ARHGAP6: variants seen among roughly 807,000 people sequenced by gnomAD.
The protein encoded by ARHGAP6 is rho GTPase-activating protein 6.
A neutral mutation model predicts 55.7 loss-of-function variants in ARHGAP6; 16 were observed. That is an observed-to-expected ratio of 0.29 (90% CI 0.19 to 0.44). ARHGAP6 has a LOEUF of 0.44. Among genes scored for constraint, ARHGAP6 ranks in the 20% least tolerant of loss-of-function variants. The pLI is 1.00. For synonymous variants in ARHGAP6, 382 were observed against 360.9 expected (o/e 1.06, Z -0.66); for missense variants, 698 against 808.9 (o/e 0.86, Z 1.66).
chrX:11,373,476 C>G (rs938605046), intron 1 of ARHGAP6, among the ~76,000 whole-genome samples: 6 of 111,480 alleles, frequency 5.4e-5, no homozygotes, highest in Non-Finnish European at 1.1e-4. Context: ...TACTTCCTAA[C>G]TACTGAAAAT....
At chrX:11,389,870 T>C (rs1328662237) in intron 1 of ARHGAP6, among the ~76,000 whole-genome samples, 2 of 111,753 alleles carry the variant, frequency 1.8e-5, no homozygotes, top group East Asian at 5.6e-4. Flanking sequence ...AAGGAAAACT[T>C]ATCATGCATC....
intron 2 of ARHGAP6, among the ~76,000 whole-genome samples, chrX:11,210,052 A>C (rs953760710): frequency 1.8e-5 from 2 of 112,897 alleles, no homozygotes; most frequent in Non-Finnish European, 3.7e-5. Context: ...GGCAATTAGC[A>C]AGTGGCAATG....
Position 11,138,944 on chromosome X carries a change from G to A in ARHGAP6, c.2844C>T (p.Leu948=), listed in dbSNP as rs759301204. ...TCTGCCAGCGCTCTCTCTGCCAGTC[G>A]AGCCAGCCAGCGTCCCCCAGGCGCG... ...DSPRLGDAGW[L]DWQRERWQIW... The change falls in exon 13 of 13, where the codon CTC becomes CTT. Residue 948 remains leucine, a synonymous_variant. Transcript: ENST00000337414. The A allele has an allele frequency of 5.3e-5, 63 of 1,193,188 alleles. No individual in the cohort carries two copies. Among genetic ancestry groups the A allele is most frequent in the Non-Finnish European group, 6.6e-5 (59 of 888,895 alleles).
chrX:11,187,392 G>A (rs2046399331), intron 4 of ARHGAP6, among the ~76,000 whole-genome samples: 1 of 111,378 alleles, frequency 9.0e-6, no homozygotes, highest in Non-Finnish European at 1.9e-5. Context: ...CTGGACAGAC[G>A]AGAGGGCATT....
intron 1 of ARHGAP6, among the ~76,000 whole-genome samples, chrX:11,439,445 C>T (rs1407433366): frequency 8.9e-6 from 1 of 112,393 alleles, no homozygotes; most frequent in Non-Finnish European, 1.9e-5. Flanking sequence ...AGACCAACTG[C>T]ATGTTCACTA....
At chrX:11,527,058 G>A (rs1185024486) in intron 1 of ARHGAP6, among the ~76,000 whole-genome samples, 1 of 101,074 alleles carries the variant, frequency 9.9e-6, no homozygotes, top group Admixed American at 1.1e-4. Flanking sequence ...GTGTGTGTGT[G>A]TCTTTTAGTC....
intron 1 of ARHGAP6, among the ~76,000 whole-genome samples, chrX:11,567,047 G>C (rs376502565): frequency 2.7e-5 from 3 of 112,302 alleles, no homozygotes; most frequent in South Asian, 7.6e-4. Flanking sequence ...AGCAGTCCCT[G>C]ATGCAGTCTG....
chrX:11,268,851 TAAG>T (rs1249672049), intron 1 of ARHGAP6, among the ~76,000 whole-genome samples: 3 of 111,466 alleles, frequency 2.7e-5, no homozygotes, highest in African/African-American at 9.8e-5. Flanking sequence ...ACCTGAGACA[TAAG>T]AAGGCATGGA....
chrX:11,226,022 T>C (rs1844317863), intron 2 of ARHGAP6, among the ~76,000 whole-genome samples: 1 of 110,107 alleles, frequency 9.1e-6, no homozygotes, highest in Non-Finnish European at 1.9e-5. Flanking sequence ...TAATTATCCT[T>C]TAAGTTCTAG....
intron 2 of ARHGAP6, among the ~76,000 whole-genome samples, chrX:11,218,573 A>G (rs193145949): frequency 9.2e-4 from 103 of 111,369 alleles, no homozygotes; most frequent in African/African-American, 3.1e-3. Context: ...TAGAATTCAG[A>G]TGTGAATCCG....
chrX:11,298,763 T>C, intron 1 of ARHGAP6: 1 of 1,210,043 alleles, frequency 8.3e-7, no homozygotes, highest in East Asian at 3.0e-5. Context: ...CAAACCTCCC[T>C]CCGCCCGCCC....
At chrX:11,246,756 T>A (rs2047358990) in intron 2 of ARHGAP6, among the ~76,000 whole-genome samples, 1 of 111,965 alleles carries the variant, frequency 8.9e-6, no homozygotes, top group African/African-American at 3.2e-5. Context: ...TGATCATCCC[T>A]ATTTGGTGGT....
chrX:11,155,281 CATT>C (rs1035947513), intron 10 of ARHGAP6, among the ~76,000 whole-genome samples: 1 of 111,424 alleles, frequency 9.0e-6, no homozygotes, highest in African/African-American at 3.3e-5. Context: ...TAAGACATGC[CATT>C]ATTTTATTTA....
chrX:11,180,934 C>G (rs1313160297), intron 6 of ARHGAP6, among the ~76,000 whole-genome samples: 2 of 112,378 alleles, frequency 1.8e-5, no homozygotes, highest in African/African-American at 6.5e-5. Context: ...AAGAGTTTGG[C>G]CTATGAAGTT....
At chrX:11,443,211 A>T (rs1053359697) in intron 1 of ARHGAP6, among the ~76,000 whole-genome samples, 3 of 112,564 alleles carry the variant, frequency 2.7e-5, no homozygotes, top group Non-Finnish European at 3.7e-5. Flanking sequence ...TCAATATTAT[A>T]TGTTGTAGCA....
chrX:11,542,390 C>T (rs1476046497), intron 1 of ARHGAP6, among the ~76,000 whole-genome samples: 1 of 110,989 alleles, frequency 9.0e-6, no homozygotes, highest in Non-Finnish European at 1.9e-5. Context: ...AGGAGAATTG[C>T]TTGAACTCGG....
At chrX:11,217,575 T>G in intron 2 of ARHGAP6, among the ~76,000 whole-genome samples, 1 of 112,394 alleles carries the variant, frequency 8.9e-6, no homozygotes, top group Non-Finnish European at 1.9e-5. Flanking sequence ...ATTTTTCATG[T>G]AAATTTGTTT....
intron 1 of ARHGAP6, among the ~76,000 whole-genome samples, chrX:11,327,369 G>A (rs905458257): frequency 6.2e-5 from 7 of 112,413 alleles, no homozygotes; most frequent in Admixed American, 1.9e-4. Context: ...AAACATATTC[G>A]TCATTCACTT....
chrX:11,210,190 T>C (rs2147386655), intron 2 of ARHGAP6, among the ~76,000 whole-genome samples: 1 of 112,548 alleles, frequency 8.9e-6, no homozygotes, highest in African/African-American at 3.2e-5. Context: ...GGTGGCTCTG[T>C]TCTCTGCAAA....
Sources: allele counts gnomAD v4.1 joint callset (sites outside exome capture counted in the v4.1 genomes callset), GRCh38; gene constraint gnomAD v4.1.1; transcripts MANE v1.5; gene names NCBI Gene and HGNC (gene_info 2026-07-23, HGNC 2026-07-21).